The following LCN2 variants were observed in gnomAD, a reference collection of about 807,000 sequenced individuals.
LCN2 encodes neutrophil gelatinase-associated lipocalin.
LCN2 carries 27 observed loss-of-function variants against 26.4 expected under a neutral mutation model. The ratio of observed to expected loss-of-function variants is 1.02; its 90% CI spans 0.76 to 1.41. The LOEUF (loss-of-function observed/expected upper bound fraction) is 1.41. LCN2 is among the 40% of genes most tolerant of loss of function. The pLI is 0.00. For missense variants in LCN2, 224 were observed against 237.6 expected (o/e 0.94, Z 0.38); for synonymous variants, 94 against 98.9 (o/e 0.95, Z 0.30).
chr9:128,153,155 G>C lies in LCN2; in HGVS notation c.*7+29G>C. On this transcript the variant is annotated intron_variant, in intron 6 of 6. Transcript: ENST00000277480. This position sits in a 1 kb window ranked among gnomAD's most constrained non-coding sequence, Gnocchi z 5.4. Reference sequence around the variant, plus strand: ...AGTGTGGCTGGGCGGCTGCGAGGGGGCTTGTGGGAGGCCAGGGTGCAGTGG... The same window carrying C: ...AGTGTGGCTGGGCGGCTGCGAGGGGCCTTGTGGGAGGCCAGGGTGCAGTGG... The C allele has an allele frequency of 1.2e-6, 2 of 1,613,770 alleles. No homozygotes were observed. The highest frequency in any genetic ancestry group is 1.1e-5 in the South Asian group (1 of 91,086).
chr9:128,151,732 A>T lies in LCN2; in HGVS notation c.355+15A>T. 6.2e-7 allele frequency: 1 copy of T among 1,612,396 alleles called. No individual in the cohort carries two copies. On this transcript the variant is annotated intron_variant, in intron 3 of 6. Transcript: ENST00000277480. ...CAACATTAAGAGTGAGTCTTGAGTG[A>T]GGTGGGGCACTGAGTTGGGGCTCCG...
At chr9:128,152,087 C>T (rs940097410) in intron 4 of LCN2, 62 bp downstream of exon 4, 33 of 1,610,596 alleles carry the variant, frequency 2.0e-5, no homozygotes, top group Middle Eastern at 3.3e-4. Flanking sequence ...GAGGGGAGGC[C>T]GGTCCCCCAT....
chr9:128,153,077 C>G lies in LCN2; in HGVS notation c.578-23C>G. 1 of 1,614,120 alleles carries G rather than the reference C, an allele frequency of 6.2e-7. No individual in the cohort carries two copies. The highest frequency in any genetic ancestry group is 8.5e-7 in the Non-Finnish European group (1 of 1,179,990). ...GCACACACACACACAGCTGCCTGTT[C>G]TGACGGACTTTCTCCCTAACAGACC... On this transcript the variant is annotated intron_variant, in intron 5 of 6. Transcript: ENST00000277480. This position sits in a 1 kb window ranked among gnomAD's most constrained non-coding sequence, Gnocchi z 5.4.
At chr9:128,149,832 C>T (rs148824792) in intron 1 of LCN2, among the ~76,000 whole-genome samples, 169 bp downstream of exon 1, 140 of 149,586 alleles carry the variant, frequency 9.4e-4, no homozygotes, top group African/African-American at 3.1e-3. Flanking sequence ...AACCATGCCC[C>T]TTCCCCCCAT....
Position 128,153,424 on chromosome 9 carries a change from T to G in LCN2, c.*121T>G. On this transcript the variant is annotated 3_prime_UTR_variant, in exon 7 of 7. Transcript: ENST00000277480. This position sits in a 1 kb window ranked among gnomAD's most constrained non-coding sequence, Gnocchi z 5.4. ...GCCACCCCGCTGATGGAGCCCCACC[T>G]TGTCTGCTAAATAAACATGTGCCCT... 1.9e-6 allele frequency: 1 copy of G among 522,586 alleles called. No individual in the cohort carries two copies. Among genetic ancestry groups the G allele is most frequent in the South Asian group, 2.0e-5 (1 of 49,626 alleles). The allele number at this position is 522,586 out of a possible 1,614,324, so 32.4% of individuals were successfully genotyped here.
chr9:128,152,338 T>G (rs749275239), intron 5 of LCN2, 54 bp downstream of exon 5: 1 of 1,487,658 alleles, frequency 6.7e-7, no homozygotes, highest in Admixed American at 1.7e-5. Flanking sequence ...TCAGGCAGGA[T>G]GCTTCCCTAC....
rs770148758 is a variant in LCN2, at chr9:128,151,649, G to A, written c.287G>A (p.Cys96Tyr). 6.2e-6 allele frequency: 10 copies of A among 1,613,930 alleles called. No individual in the cohort carries two copies. Among genetic ancestry groups the A allele is most frequent in the Admixed American group, 1.7e-5 (1 of 60,002 alleles). Residue 96 changes from cysteine (C) to tyrosine (Y), a missense_variant, in exon 3 of 7, where the codon TGT (cysteine) becomes TAT (tyrosine). Coordinates refer to ENST00000277480, the MANE Select transcript of LCN2 (RefSeq NM_005564.5). ...CTCTCCCTCCCAAGGAAAAAGAAGT[G>A]TGACTACTGGATCAGGACTTTTGTT... ...VTSVLFRKKKCDYWIRTFVPG... is the reference protein window; with the variant it reads ...VTSVLFRKKKYDYWIRTFVPG...
chr9:128,153,213 C>A lies in LCN2; in HGVS notation c.*7+87C>A. ...GTCTTGGGCCTGCCTTTGCTCATCC[C>A]CCTGCCCCCCAGCACTGCTGCTGTC... is the stretch of plus-strand genomic sequence containing the variant. On this transcript the variant is annotated intron_variant, in intron 6 of 6. Coordinates refer to ENST00000277480, the MANE Select transcript of LCN2 (RefSeq NM_005564.5). The surrounding 1 kb of genome is among the most constrained non-coding windows in gnomAD (Gnocchi z 5.4). The A allele has an allele frequency of 6.7e-7, 1 of 1,493,188 alleles. No individual in the cohort carries two copies. Among genetic ancestry groups the A allele is most frequent in the Non-Finnish European group, 9.3e-7 (1 of 1,074,572 alleles). The allele number at this position is 1,493,188 out of a possible 1,614,324, so 92.5% of individuals were successfully genotyped here.
intron 1 of LCN2, 81 bp downstream of exon 1, chr9:128,149,744 G>A: frequency 6.4e-7 from 1 of 1,553,598 alleles, no homozygotes; most frequent in Non-Finnish European, 8.8e-7. Flanking sequence ...AGAGACTCAG[G>A]AAGAGCGTTG....
At position 128,151,635 on chromosome 9, in the gene LCN2, A is replaced by T; in HGVS notation, c.276-3A>T. On this transcript the variant is annotated splice_polypyrimidine_tract_variant and splice_region_variant and intron_variant, in intron 2 of 6. Coordinates refer to ENST00000277480, the MANE Select transcript of LCN2 (RefSeq NM_005564.5). ...TCTCACCCACCCATCTCTCCCTCCC[A>T]AGGAAAAAGAAGTGTGACTACTGGA... is the stretch of plus-strand genomic sequence containing the variant. 6.2e-7 allele frequency: 1 copy of T among 1,613,810 alleles called. No individual in the cohort carries two copies. Among genetic ancestry groups the T allele is most frequent in the African/African-American group, 1.3e-5 (1 of 75,044 alleles).
intron 2 of LCN2, 116 bp downstream of exon 2, chr9:128,150,490 G>A: frequency 7.4e-7 from 1 of 1,353,808 alleles, no homozygotes; most frequent in Non-Finnish European, 1.1e-6. Context: ...ATTCATCTGT[G>A]TTCATCCTTC....
At chr9:128,151,502 G>C (rs754691587) in intron 2 of LCN2, 136 bp from the exon 3 acceptor site, 4 of 703,510 alleles carry the variant, frequency 5.7e-6, no homozygotes, top group Admixed American at 2.1e-5. Flanking sequence ...TCCAGGTAGT[G>C]GGGGATGAGC....
At chr9:128,151,072 T>G (rs182897329) in intron 2 of LCN2, among the ~76,000 whole-genome samples, 1 of 152,208 alleles carries the variant, frequency 6.6e-6, no homozygotes, top group Admixed American at 6.5e-5. Context: ...CTCTGGCAGC[T>G]GAGTGGATTG....
At position 128,151,959 on chromosome 9, in the gene LCN2, C is replaced by T. The variant is rs1179182187; in HGVS notation, c.409C>T (p.Gln137Ter). The T allele has an allele frequency of 1.2e-6, 2 of 1,614,014 alleles. No individual in the cohort carries two copies. Among genetic ancestry groups the T allele is most frequent in the East Asian group, 2.2e-5 (1 of 44,888 alleles). The change falls in exon 4 of 7, where the codon CAG becomes TAG. Residue 137 changes from glutamine (Q) to a stop codon, truncating the protein, a stop_gained. Coordinates refer to ENST00000277480, the MANE Select transcript of LCN2 (RefSeq NM_005564.5). LOFTEE classifies it high-confidence loss of function. ...CCGAGTGGTGAGCACCAACTACAAC[C>T]AGCATGCTATGGTGTTCTTCAAGAA... ...LVRVVSTNYN[Q>*]HAMVFFKKVS...
intron 2 of LCN2, chr9:128,150,615 G>A (rs1564224966): frequency 1.5e-6 from 1 of 657,976 alleles, no homozygotes; most frequent in Non-Finnish European, 2.8e-6. Flanking sequence ...GGGTGCCTGG[G>A]AGCGGGAGGA....
rs753965141 is a variant in LCN2, at chr9:128,151,939, T to C, written c.389T>C (p.Val130Ala). The change falls in exon 4 of 7, where the codon GTG (valine) becomes GCG (alanine). Residue 130 changes from valine to alanine, a missense_variant. By Grantham distance (64) the Val-to-Ala change is moderately conservative. Transcript: ENST00000277480. ...YPGLTSYLVR[V>A]VSTNYNQHAM... is the part of the protein sequence containing the mutation. ...GGATTAACGAGTTACCTCGTCCGAGTGGTGAGCACCAACTACAACCAGCAT... is the reference window on the plus strand; with the variant it reads ...GGATTAACGAGTTACCTCGTCCGAGCGGTGAGCACCAACTACAACCAGCAT... The C allele has an allele frequency of 6.2e-7, 1 of 1,614,108 alleles. No homozygotes were observed. The highest frequency in any genetic ancestry group is 8.5e-7 in the Non-Finnish European group (1 of 1,180,006).
intron 2 of LCN2, 77 bp downstream of exon 2, chr9:128,150,451 C>T (rs755339162): frequency 1.3e-6 from 2 of 1,577,712 alleles, no homozygotes; most frequent in South Asian, 2.2e-5. Flanking sequence ...CTGAGGGATC[C>T]TGTCGTTCAC....
chr9:128,150,306 A>G lies in LCN2; in HGVS notation c.207A>G (p.Gln69=), dbSNP rs373535058. 1.9e-6 allele frequency: 3 copies of G among 1,614,038 alleles called. No homozygotes were observed. The African/African-American group carries it at 4.0e-5, about 22-fold the overall frequency. Residue 69 remains glutamine (Q), a synonymous_variant, in exon 2 of 7, where the codon CAA becomes CAG. Transcript: ENST00000277480. ...NAILREDKDP[Q]KMYATIYELK... ...TTCTCAGAGAAGACAAAGACCCGCA[A>G]AAGATGTATGCCACCATCTATGAGC... is the stretch of plus-strand genomic sequence containing the variant.
rs763436514 is a variant in LCN2 at position 128,151,664 on chromosome 9, G to A, written c.302G>A (p.Arg101Lys). ...AAAAAGAAGTGTGACTACTGGATCA[G>A]GACTTTTGTTCCAGGTTGCCAGCCC... ...FRKKKCDYWI[R>K]TFVPGCQPGE... The change falls in exon 3 of 7, where the codon AGG becomes AAG. Residue 101 changes from arginine (R) to lysine (K), a missense_variant. Transcript: ENST00000277480. The A allele has an allele frequency of 6.2e-7, 1 of 1,614,094 alleles. No homozygotes were observed. The highest frequency in any genetic ancestry group is 1.1e-5 in the South Asian group (1 of 91,084).
Sources: gnomAD v4.1 joint callset for allele counts (sites outside exome capture counted in the v4.1 genomes callset) on GRCh38, gnomAD v4.1.1 for gene constraint, Gnocchi (gnomAD v3.1) non-coding constraint, MANE v1.5 for transcripts, NCBI Gene and HGNC (gene_info 2026-07-23, HGNC 2026-07-21) for gene names.